The following KLHL11 variants were observed in gnomAD, a reference collection of about 807,000 sequenced individuals.
KLHL11 encodes the protein kelch like family member 11.
A neutral mutation model predicts 56.1 loss-of-function variants in KLHL11; 26 were observed. The ratio of observed to expected loss-of-function variants is 0.46; its 90% confidence interval spans 0.34 to 0.64. KLHL11 has a LOEUF of 0.64. Among genes scored for constraint, KLHL11 ranks in the 30% least tolerant of loss-of-function variants. The probability of loss-of-function intolerance (pLI) is 0.01; values close to 1 mark genes in which losing one functional copy is unlikely to be tolerated. For synonymous variants in KLHL11, 338 were observed against 345.8 expected (o/e 0.98, Z 0.25); for missense variants, 627 against 919.4 (o/e 0.68, Z 4.11).
Position 41,862,858 on chromosome 17 carries a change from T to C in KLHL11, c.545+1968A>G, listed in dbSNP as rs569002351. ...CCCCAATCTGTATCTCTAGCTCCCA[T>C]GCACTTCCCAGGGATCTCCTTAACC... On this transcript the variant is annotated intron_variant, in intron 1 of 1. Coordinates refer to ENST00000319121, the MANE Select transcript of KLHL11 (RefSeq NM_018143.3). Among the ~76,000 whole-genome samples, 4 of 152,300 alleles carry C rather than the reference T, an allele frequency of 2.6e-5. No homozygotes were observed. The South Asian group carries it at 6.2e-4, about 24-fold the overall frequency.
In KLHL11 at chr17:41,865,177, C is replaced by G; in HGVS notation, c.194G>C (p.Gly65Ala). 1 of 1,610,046 alleles carries G rather than the reference C, an allele frequency of 6.2e-7. No individual in the cohort carries two copies. Reference sequence around the variant, plus strand: ...GCACTCGAAATCCTCGGCTTCTGGGCCCGGATCGCCCCCGCTCGCCTCCAT... The same window carrying G: ...GCACTCGAAATCCTCGGCTTCTGGGGCCGGATCGCCCCCGCTCGCCTCCAT... ...SAMEASGGDPGPEAEDFECSS... is the reference protein window; with the variant it reads ...SAMEASGGDPAPEAEDFECSS... Residue 65 changes from glycine (G) to alanine (A), a missense_variant, in exon 1 of 2, where the codon GGC (glycine) becomes GCC (alanine). This residue lies in a region of KLHL11 where 121 missense variants were observed against 116.2 expected (regional missense o/e 1.04). Transcript: ENST00000319121.
chr17:41,853,539 C>G lies in KLHL11; in HGVS notation c.*201G>C. Reference sequence around the variant, plus strand: ...CTAGCACAAACAAACAAACCAAAGACAAAAATTGCAAGCTAACAAAATGAC... The same window carrying G: ...CTAGCACAAACAAACAAACCAAAGAGAAAAATTGCAAGCTAACAAAATGAC... On this transcript the variant is annotated 3_prime_UTR_variant, in exon 2 of 2. Transcript: ENST00000319121. 1 of 544,648 alleles carries G rather than the reference C, an allele frequency of 1.8e-6. No homozygotes were observed. Among genetic ancestry groups the G allele is most frequent in the East Asian group, 3.2e-5 (1 of 31,336 alleles). The allele number at this position is 544,648 out of a possible 1,614,324, so 33.7% of individuals were successfully genotyped here. A position where few individuals can be genotyped will look rare whatever the true frequency, so the allele number is the denominator to read the frequency against.
At chr17:41,858,973 A>G (rs1555622830) in intron 1 of KLHL11, among the ~76,000 whole-genome samples, 1 of 152,172 alleles carries the variant, frequency 6.6e-6, no homozygotes. Context: ...GCTCAGTCAG[A>G]TATCAGAAGG....
At position 41,864,761 on chromosome 17, in the gene KLHL11, C is replaced by A. The variant is rs1368160837; in HGVS notation, c.545+65G>T. 7 of 1,432,944 alleles carry A rather than the reference C, an allele frequency of 4.9e-6. No homozygotes were observed. The African/African-American group carries it at 8.8e-5, about 18-fold the overall frequency. 88.8% of individuals were successfully genotyped at this position (1,432,944 alleles called of 1,614,324 possible). A position where few individuals can be genotyped will look rare whatever the true frequency, so the allele number is the denominator to read the frequency against. ...GCCGTGGCAGGCACTGCCCTCCCCTCCGCCAGCGAGCATCTCCCCCTCTCC... is the reference window on the plus strand; with the variant it reads ...GCCGTGGCAGGCACTGCCCTCCCCTACGCCAGCGAGCATCTCCCCCTCTCC... On this transcript the variant is annotated intron_variant, in intron 1 of 1. Transcript: ENST00000319121.
chr17:41,853,688 T>G lies in KLHL11; in HGVS notation c.*52A>C, dbSNP rs1457043779. The G allele has an allele frequency of 6.5e-7, 1 of 1,543,186 alleles. No individual in the cohort carries two copies. Among genetic ancestry groups the G allele is most frequent in the East Asian group, 2.3e-5 (1 of 44,168 alleles). On this transcript the variant is annotated 3_prime_UTR_variant, in exon 2 of 2. Transcript: ENST00000319121. ...TTTTTTAAATAACAGCCTGGGTATCTTCAGCTTCACGAAACGGGTGTAACA... is the reference window on the plus strand; with the variant it reads ...TTTTTTAAATAACAGCCTGGGTATCGTCAGCTTCACGAAACGGGTGTAACA...
chr17:41,855,307 C>G lies in KLHL11; in HGVS notation c.560G>C (p.Arg187Pro). ...AAATTCTCCACAAAATTCTTTTAAA[C>G]GAATGAGTAGGAACCTAAAATCAAG... ...LELADRFLLI[R>P]LKEFCGEFLK... The change falls in exon 2 of 2, where the codon CGT becomes CCT. Residue 187 changes from arginine (R) to proline (P), a missense_variant. By Grantham distance (103) the Arg-to-Pro change is moderately radical. This residue lies in a region of KLHL11 where 150 missense variants were observed against 215.7 expected (regional missense o/e 0.70). Transcript: ENST00000319121. The G allele has an allele frequency of 1.9e-6, 3 of 1,570,436 alleles. No homozygotes were observed. The highest frequency in any genetic ancestry group is 2.6e-6 in the Non-Finnish European group (3 of 1,152,602).
chr17:41,863,757 C>T (rs782450171), intron 1 of KLHL11, among the ~76,000 whole-genome samples: 15 of 152,108 alleles, frequency 9.9e-5, no homozygotes, highest in Non-Finnish European at 1.6e-4. Flanking sequence ...TACCTGTGTC[C>T]CCTACCTGAC....
At chr17:41,861,829 A>T (rs2144163597) in intron 1 of KLHL11, among the ~76,000 whole-genome samples, 1 of 152,160 alleles carries the variant, frequency 6.6e-6, no homozygotes, top group East Asian at 1.9e-4. Flanking sequence ...CTGCTCCTGT[A>T]ACACCAATTA....
At chr17:41,857,879 C>T (rs1319798693) in intron 1 of KLHL11, among the ~76,000 whole-genome samples, 4 of 152,222 alleles carry the variant, frequency 2.6e-5, no homozygotes, top group East Asian at 1.9e-4. Context: ...TACACTGGCG[C>T]GATCTCTGCT....
intron 1 of KLHL11, among the ~76,000 whole-genome samples, chr17:41,862,219 G>C (rs1555623109): frequency 2.7e-5 from 4 of 149,560 alleles, no homozygotes; most frequent in African/African-American, 7.4e-5. Context: ...CTCCTGAGTA[G>C]TTGGGATTAC....
chr17:41,853,749 A>C lies in KLHL11; in HGVS notation c.2118T>G (p.Ile706Met). The C allele has an allele frequency of 6.2e-7, 1 of 1,607,958 alleles. No homozygotes were observed. Among genetic ancestry groups the C allele is most frequent in the Non-Finnish European group, 8.5e-7 (1 of 1,175,284 alleles). ...LNMRRVPSSQ[I>M]EC ...GCACGCTTGAGAGAACCTAGCATTC[A>C]ATCTGAGAGCTTGGCACTCGCCTCA... The change falls in exon 2 of 2, where the codon ATT (isoleucine) becomes ATG (methionine). Residue 706 changes from isoleucine to methionine, a missense_variant. Coordinates refer to ENST00000319121, the MANE Select transcript of KLHL11 (RefSeq NM_018143.3).
intron 1 of KLHL11, among the ~76,000 whole-genome samples, chr17:41,860,394 G>C (rs1357924940): frequency 6.6e-6 from 1 of 150,952 alleles, no homozygotes. Flanking sequence ...ATGTACTTAG[G>C]GGTTTTGGGG....
intron 1 of KLHL11, 95 bp downstream of exon 1, chr17:41,864,731 G>C: frequency 7.9e-7 from 1 of 1,264,064 alleles, no homozygotes; most frequent in Non-Finnish European, 1.0e-6. Flanking sequence ...CAGGACTCGC[G>C]AGCTGCCGTG....
At chr17:41,859,154 G>A (rs1454186371) in intron 1 of KLHL11, among the ~76,000 whole-genome samples, 1 of 152,152 alleles carries the variant, frequency 6.6e-6, no homozygotes, top group African/African-American at 2.4e-5. Context: ...ATGGGGTACT[G>A]AGAAGATTTG....
intron 1 of KLHL11, among the ~76,000 whole-genome samples, chr17:41,857,718 G>C (rs1347854623): frequency 6.6e-6 from 1 of 152,050 alleles, no homozygotes; most frequent in Non-Finnish European, 1.5e-5. Flanking sequence ...ATCACAGTGC[G>C]CTACAGCCCC....
Position 41,854,071 on chromosome 17 carries a change from A to G in KLHL11, c.1796T>C (p.Ile599Thr). Residue 599 changes from isoleucine to threonine, a missense_variant, in exon 2 of 2, where the codon ATC (isoleucine) becomes ACC (threonine). This residue lies in a region of KLHL11 where 250 missense variants were observed against 360.6 expected (regional missense o/e 0.69). Coordinates refer to ENST00000319121, the MANE Select transcript of KLHL11 (RefSeq NM_018143.3). This position sits in a 1 kb window ranked among gnomAD's most constrained non-coding sequence, Gnocchi z 4.9. ...GTAATAGCAAATGGCTGCTCCTTCG[A>G]TGCTTAGGACTTCTGGAGGCAAGCT... ...LESLPPEVLS[I>T]EGAAICYYKD... 6.2e-7 allele frequency: 1 copy of G among 1,614,188 alleles called. No individual in the cohort carries two copies. The highest frequency in any genetic ancestry group is 1.7e-5 in the Admixed American group (1 of 60,018).
intron 1 of KLHL11, among the ~76,000 whole-genome samples, chr17:41,857,528 A>G (rs1033559539): frequency 2.0e-5 from 3 of 150,172 alleles, no homozygotes; most frequent in Non-Finnish European, 3.0e-5. Flanking sequence ...AAAAGCATAT[A>G]TAAAAATCTT....
At chr17:41,861,484 G>A (rs1414580744) in intron 1 of KLHL11, among the ~76,000 whole-genome samples, 2 of 151,936 alleles carry the variant, frequency 1.3e-5, no homozygotes, top group East Asian at 1.9e-4. Flanking sequence ...TCAGGAGTTC[G>A]AGACCAGCCT....
In KLHL11 at chr17:41,862,092, CT is replaced by C. The variant is rs782259380; in HGVS notation, c.545+2733del. The stretch of plus-strand genomic sequence containing the variant: ...TGAGATCAGTCTCCTCTTTAAGATT[CT>C]TTTTTTTTTTTGAGATCCAGTCTCT... On this transcript the variant is annotated intron_variant, in intron 1 of 1. Transcript: ENST00000319121. 3.6e-3 allele frequency among the ~76,000 whole-genome samples: 523 copies of C among 145,450 alleles called. 1 individual carries two copies. Among genetic ancestry groups the C allele is most frequent in the African/African-American group, 8.4e-3 (334 of 39,798 alleles).
Sources: allele counts gnomAD v4.1 joint callset (sites outside exome capture counted in the v4.1 genomes callset), GRCh38; gene constraint gnomAD v4.1.1; regional missense constraint gnomAD v4.1.1; non-coding constraint Gnocchi (gnomAD v3.1); transcripts MANE v1.5; gene names NCBI Gene and HGNC (gene_info 2026-07-23, HGNC 2026-07-21).